The following CYSTM1 variants were observed in gnomAD, a reference collection of about 807,000 sequenced individuals.
The protein encoded by CYSTM1 is cysteine rich transmembrane module containing 1, also known as cysteine-rich transmembrane module-containing protein 1.
Under a neutral mutation model 13.1 loss-of-function variants are expected in CYSTM1, and 4 were observed. That is an observed-to-expected ratio of 0.31 (90% CI 0.15 to 0.70). The LOEUF is 0.70. CYSTM1 is among the 30% of genes least tolerant of loss of function. The pLI is 0.72. For missense variants in CYSTM1, 96 were observed against 121.6 expected, an observed-to-expected ratio of 0.79 and a Z score of 0.99; for synonymous variants, 36 against 42.7, an observed-to-expected ratio of 0.84 and a Z score of 0.62.
At chr5:140,221,902 T>G (rs1764496701) in intron 2 of CYSTM1, among the ~76,000 whole-genome samples, 1 of 152,252 alleles carries the variant, frequency 6.6e-6, no homozygotes, top group South Asian at 2.1e-4. Context: ...CATTTTATAA[T>G]TCCAGTTTGA....
At chr5:140,202,004 C>T (rs577378644) in intron 2 of CYSTM1, 6 of 144,894 alleles carry the variant, frequency 4.1e-5, no homozygotes, top group East Asian at 4.1e-4. Context: ...GGCGCAATCT[C>T]GGGTCACTGC....
Position 140,230,978 on chromosome 5 carries a change from ATG to A in CYSTM1, c.188-12321_188-12320del, listed in dbSNP as rs2126670593. ...TTTACTGTTTCATCTACATTTTAGA[ATG>A]TGTGTTAGTTTCTACAGAAAACCAT... On this transcript the variant is annotated intron_variant, in intron 2 of 2. Coordinates refer to ENST00000261811, the MANE Select transcript of CYSTM1 (RefSeq NM_032412.4). The surrounding 1 kb of genome is among the most constrained non-coding windows in gnomAD (Gnocchi z 4.1). Among the ~76,000 whole-genome samples, 1 of 152,256 alleles carries A rather than the reference ATG, an allele frequency of 6.6e-6. No homozygotes were observed. The highest frequency in any genetic ancestry group is 6.5e-5 in the Admixed American group (1 of 15,304).
intron 2 of CYSTM1, chr5:140,228,691 T>C: frequency 2.5e-6 from 1 of 398,788 alleles, no homozygotes; most frequent in Non-Finnish European, 4.4e-6. Context: ...TCTGACTGGG[T>C]CTCTCTCTCC....
At chr5:140,194,686 C>T (rs369673471) in intron 2 of CYSTM1, 34 bp downstream of exon 2, 35 of 1,569,828 alleles carry the variant, frequency 2.2e-5, no homozygotes, top group South Asian at 1.8e-4. Flanking sequence ...TGTGCAGTCC[C>T]GTGTCACTAA....
intron 1 of CYSTM1, among the ~76,000 whole-genome samples, chr5:140,187,561 T>C (rs1764033902): frequency 6.6e-6 from 1 of 152,120 alleles, no homozygotes; most frequent in African/African-American, 2.4e-5. Context: ...AGAGACAAGG[T>C]CTCACTATGT....
chr5:140,176,475 G>C (rs1160630635), intron 1 of CYSTM1, among the ~76,000 whole-genome samples: 1 of 152,110 alleles, frequency 6.6e-6, no homozygotes, highest in African/African-American at 2.4e-5. Context: ...TTTTATGAAA[G>C]GACCCACCCA....
intron 2 of CYSTM1, among the ~76,000 whole-genome samples, chr5:140,226,982 G>A (rs1424612270): frequency 1.3e-5 from 2 of 152,032 alleles, no homozygotes; most frequent in Admixed American, 6.6e-5. Flanking sequence ...AAGAATGGAG[G>A]GGCTCTGCTG....
chr5:140,241,277 G>A (rs762383652), intron 2 of CYSTM1, among the ~76,000 whole-genome samples: 1 of 152,192 alleles, frequency 6.6e-6, no homozygotes, highest in Non-Finnish European at 1.5e-5. Flanking sequence ...CATGGCCACC[G>A]CCTCAGCCCT....
At chr5:140,211,261 T>C (rs892923009) in intron 2 of CYSTM1, among the ~76,000 whole-genome samples, 1 of 152,216 alleles carries the variant, frequency 6.6e-6, no homozygotes, top group Non-Finnish European at 1.5e-5. Flanking sequence ...AACTGAAGCA[T>C]GGAAAGGCTA....
At chr5:140,231,059 T>C (rs1764612240) in intron 2 of CYSTM1, among the ~76,000 whole-genome samples, 1 of 152,264 alleles carries the variant, frequency 6.6e-6, no homozygotes, top group African/African-American at 2.4e-5. Context: ...GTGAAAGAGT[T>C]GACATATTTA....
At chr5:140,208,049 A>G (rs531705793) in intron 2 of CYSTM1, among the ~76,000 whole-genome samples, 1 of 152,222 alleles carries the variant, frequency 6.6e-6, no homozygotes, top group Admixed American at 6.5e-5. Context: ...TCAAAAAACT[A>G]AAAATAGAGG....
rs1055620502 is a variant in CYSTM1 at position 140,175,350 on chromosome 5, C to A, written c.-21+65C>A. On this transcript the variant is annotated intron_variant, in intron 1 of 2. Coordinates refer to ENST00000261811, the MANE Select transcript of CYSTM1 (RefSeq NM_032412.4). This position sits in a 1 kb window ranked among gnomAD's most constrained non-coding sequence, Gnocchi z 4.9. ...GGGCGGGGATCAGGCACGGACAGGG[C>A]GCGTCCCCGGGCTCCCTGGGGAGCG... 3.3e-5 allele frequency: 5 copies of A among 152,558 alleles called. No individual in the cohort carries two copies. Among genetic ancestry groups the A allele is most frequent in the Non-Finnish European group, 7.3e-5 (5 of 68,352 alleles). The allele number at this position is 152,558 out of a possible 1,614,324, so 9.5% of individuals were successfully genotyped here. A position where few individuals can be genotyped will look rare whatever the true frequency, so the allele number is the denominator to read the frequency against.
rs748338157 is a variant in CYSTM1, at chr5:140,243,754, C to T, written c.*343C>T. 1.8e-4 allele frequency: 35 copies of T among 199,756 alleles called. No individual in the cohort carries two copies. The highest frequency in any genetic ancestry group is 2.0e-3 in the Middle Eastern group (1 of 510). 12.4% of individuals were successfully genotyped at this position (199,756 alleles called of 1,614,324 possible). A position where few individuals can be genotyped will look rare whatever the true frequency, so the allele number is the denominator to read the frequency against. ...ATGGAATGATTTCTCTGCTAACAGC[C>T]GCCTGTATGTTTCAATAAATTTGTC... On this transcript the variant is annotated 3_prime_UTR_variant, in exon 3 of 3. Transcript: ENST00000261811.
At chr5:140,237,882 G>A (rs1764700675) in intron 2 of CYSTM1, among the ~76,000 whole-genome samples, 2 of 152,176 alleles carry the variant, frequency 1.3e-5, no homozygotes, top group Admixed American at 6.5e-5. Context: ...CTCCCTCCCA[G>A]GATGCCACTT....
chr5:140,240,442 C>T (rs918899999), intron 2 of CYSTM1, among the ~76,000 whole-genome samples: 3 of 151,772 alleles, frequency 2.0e-5, no homozygotes, highest in Non-Finnish European at 4.4e-5. Context: ...CTGGGTGACT[C>T]GCACTGCCAG....
chr5:140,213,010 T>TGA lies in CYSTM1; in HGVS notation c.187+18369_187+18370dup, dbSNP rs58715539. Among the ~76,000 whole-genome samples, 9 of 122,432 alleles carry TGA rather than the reference T, an allele frequency of 7.4e-5. No homozygotes were observed. The East Asian group carries it at 2.1e-3, about 28-fold the overall frequency. The allele number at this position is 122,432 out of a possible 152,430, so 80.3% of individuals were successfully genotyped here. ...ATATATATATATATATATATATATA[T>TGA]GAGAGAGAGAGACAGAGAGAGAGAG... is the stretch of plus-strand genomic sequence containing the variant. On this transcript the variant is annotated intron_variant, in intron 2 of 2. Transcript: ENST00000261811.
chr5:140,234,406 A>C (rs1764653583), intron 2 of CYSTM1, among the ~76,000 whole-genome samples: 2 of 152,018 alleles, frequency 1.3e-5, no homozygotes, highest in South Asian at 2.1e-4. Context: ...CCTTTCCATA[A>C]ATTTTAGAAT....
chr5:140,204,054 C>G (rs1280620855), intron 2 of CYSTM1, among the ~76,000 whole-genome samples: 2 of 152,012 alleles, frequency 1.3e-5, no homozygotes, highest in Admixed American at 1.3e-4. Context: ...TTTCCAGGGT[C>G]AGTAAGTTTT....
rs1417663545 is a variant in CYSTM1 at position 140,239,181 on chromosome 5, T to C, written c.188-4124T>C. Among the ~76,000 whole-genome samples, 1 of 152,216 alleles carries C rather than the reference T, an allele frequency of 6.6e-6. No individual in the cohort carries two copies. Among genetic ancestry groups the C allele is most frequent in the East Asian group, 1.9e-4 (1 of 5,190 alleles). ...ACATCAAGGCACTCGATTCATCATT[T>C]ACAAAGTCCCAGCCATGCAGATGAA... is the stretch of plus-strand genomic sequence containing the variant. On this transcript the variant is annotated intron_variant, in intron 2 of 2. Transcript: ENST00000261811. The surrounding 1 kb of genome is among the most constrained non-coding windows in gnomAD (Gnocchi z 5.4).
Sources: gnomAD v4.1 joint callset for allele counts (sites outside exome capture counted in the v4.1 genomes callset) on GRCh38, gnomAD v4.1.1 for gene constraint, Gnocchi (gnomAD v3.1) non-coding constraint, MANE v1.5 for transcripts, NCBI Gene and HGNC (gene_info 2026-07-23, HGNC 2026-07-21) for gene names.